Variants in SYBU observed in about 807,000 individuals in gnomAD.
The protein encoded by SYBU is GOLSYN A protein.
Under a neutral mutation model 35.9 loss-of-function variants are expected in SYBU, and 21 were observed. The ratio of observed to expected loss-of-function variants is 0.58; its 90% CI spans 0.41 to 0.84. SYBU has a LOEUF of 0.84. Ranked by LOEUF, SYBU falls within the 40% of genes least tolerant of loss-of-function variation. SYBU has a pLI of 0.00. For missense variants in SYBU, 768 were observed against 848.2 expected, an observed-to-expected ratio of 0.91 and a Z score of 1.17; for synonymous variants, 319 against 324.3, an observed-to-expected ratio of 0.98 and a Z score of 0.18.
At chr8:109,659,115 T>G (rs1241112319) in intron 1 of SYBU, among the ~76,000 whole-genome samples, 1 of 152,210 alleles carries the variant, frequency 6.6e-6, no homozygotes, top group Non-Finnish European at 1.5e-5. Flanking sequence ...TTTTGGACCC[T>G]TGTGTTTTCC....
At chr8:109,684,242 T>C (rs745999915), upstream of SYBU, among the ~76,000 whole-genome samples, 24 of 152,230 alleles carry the variant, frequency 1.6e-4, no homozygotes, top group South Asian at 8.3e-4. Context: ...GATGTCCAGA[T>C]GCAAATTTAA....
intron 1 of SYBU, among the ~76,000 whole-genome samples, chr8:109,658,872 T>G (rs376421560): frequency 6.6e-6 from 1 of 151,982 alleles, no homozygotes; most frequent in Non-Finnish European, 1.5e-5. Flanking sequence ...GAGAATCGCT[T>G]GAACCGGAAA....
At chr8:109,679,968 T>A (rs938172676) in intron 1 of SYBU, among the ~76,000 whole-genome samples, 28 of 152,316 alleles carry the variant, frequency 1.8e-4, no homozygotes, top group African/African-American at 5.8e-4. Context: ...TGAAAATGTA[T>A]ATACTTGATA....
At chr8:109,591,747 C>T (rs955484967) in intron 3 of SYBU, among the ~76,000 whole-genome samples, 2 of 151,524 alleles carry the variant, frequency 1.3e-5, no homozygotes, top group African/African-American at 4.9e-5. Context: ...CTCCTGACCT[C>T]GTGATCCGCC....
Position 109,575,766 on chromosome 8 carries a change from T to C in SYBU, c.1132A>G (p.Met378Val), listed in dbSNP as rs1563669580. 1.2e-6 allele frequency: 2 copies of C among 1,614,176 alleles called. No homozygotes were observed. Among genetic ancestry groups the C allele is most frequent in the Admixed American group, 1.7e-5 (1 of 60,016 alleles). Reference protein sequence around the residue: ...KLESLLQSMEMAHSGSLRDEL... With the variant: ...KLESLLQSMEVAHSGSLRDEL... ...TCCCTCAGAGAGCCACTGTGTGCCA[T>C]CTCCATGCTCTGAAGGAGAGACTCC... The change falls in exon 7 of 7, where the codon ATG becomes GTG. Residue 378 changes from methionine (M) to valine (V), a missense_variant. By Grantham distance (21) the Met-to-Val change is conservative. Transcript: ENST00000276646.
chr8:109,603,652 G>C (rs963348002), intron 3 of SYBU, among the ~76,000 whole-genome samples: 1 of 152,070 alleles, frequency 6.6e-6, no homozygotes, highest in East Asian at 1.9e-4. Flanking sequence ...ATAAATCAAG[G>C]CCACTCTTTT....
intron 3 of SYBU, among the ~76,000 whole-genome samples, chr8:109,611,031 T>C (rs1811110789): frequency 6.6e-6 from 1 of 152,230 alleles, no homozygotes; most frequent in South Asian, 2.1e-4. Context: ...AAAGCATATA[T>C]CTGCATGATC....
intron 1 of SYBU, among the ~76,000 whole-genome samples, chr8:109,679,711 T>G (rs1364027242): frequency 6.6e-6 from 1 of 152,200 alleles, no homozygotes; most frequent in Non-Finnish European, 1.5e-5. Flanking sequence ...TAACAATAAT[T>G]ACCTCTATTT....
intron 1 of SYBU, among the ~76,000 whole-genome samples, chr8:109,689,275 G>A (rs1817590535): frequency 6.6e-6 from 1 of 152,038 alleles, no homozygotes; most frequent in Non-Finnish European, 1.5e-5. Flanking sequence ...CCAGAAAACT[G>A]ACATTGGTGC....
chr8:109,590,767 G>GAAA (rs10691264), intron 3 of SYBU, among the ~76,000 whole-genome samples: 3,229 of 121,964 alleles, frequency 0.026, 106 homozygotes, highest in African/African-American at 0.077. Context: ...CATAAAATTA[G>GAAA]AAAAAAAAAA....
At chr8:109,589,480 C>A (rs1046555883) in intron 3 of SYBU, among the ~76,000 whole-genome samples, 1 of 152,180 alleles carries the variant, frequency 6.6e-6, no homozygotes, top group African/African-American at 2.4e-5. Flanking sequence ...ATTTGATGAC[C>A]TTTAAGATAA....
At chr8:109,576,297 A>G (rs1486240401) in intron 6 of SYBU, among the ~76,000 whole-genome samples, 1 of 152,220 alleles carries the variant, frequency 6.6e-6, no homozygotes, top group African/African-American at 2.4e-5. Context: ...GGCTAAAGTA[A>G]TAATAGTAAT....
intron 3 of SYBU, among the ~76,000 whole-genome samples, chr8:109,614,303 G>A (rs1351549715): frequency 1.3e-5 from 2 of 152,204 alleles, no homozygotes; most frequent in African/African-American, 2.4e-5. Flanking sequence ...GCCCAGCACT[G>A]TCATTTAATG....
intron 2 of SYBU, among the ~76,000 whole-genome samples, chr8:109,629,099 A>T (rs1813302463): frequency 6.6e-6 from 1 of 152,176 alleles, no homozygotes; most frequent in African/African-American, 2.4e-5. Flanking sequence ...AGGAAGGGTG[A>T]TGGGGAGAGA....
Position 109,644,733 on chromosome 8 carries a change from A to G in SYBU, c.-74T>C. 1 of 1,391,960 alleles carries G rather than the reference A, an allele frequency of 7.2e-7. No individual in the cohort carries two copies. Among genetic ancestry groups the G allele is most frequent in the Non-Finnish European group, 9.3e-7 (1 of 1,072,816 alleles). The allele number at this position is 1,391,960 out of a possible 1,614,324, so 86.2% of individuals were successfully genotyped here. ...AGGAGGCACCTGCGAGCACGGAGCG[A>G]GGAGACTGCGCTGAGCCGGCGCGGG... On this transcript the variant is annotated 5_prime_UTR_variant, in exon 1 of 7. Transcript: ENST00000276646.
At chr8:109,656,988 T>C (rs930601842) in intron 1 of SYBU, among the ~76,000 whole-genome samples, 2 of 152,108 alleles carry the variant, frequency 1.3e-5, no homozygotes, top group Non-Finnish European at 2.9e-5. Context: ...AAACCAAGAA[T>C]AAAAACACAT....
At chr8:109,690,194 G>C (rs1817614881) in intron 1 of SYBU, among the ~76,000 whole-genome samples, 1 of 151,894 alleles carries the variant, frequency 6.6e-6, no homozygotes. Context: ...ATAATGTATT[G>C]CTGCTTTAAA....
chr8:109,665,852 G>A (rs778797570), intron 1 of SYBU, among the ~76,000 whole-genome samples: 2 of 152,138 alleles, frequency 1.3e-5, no homozygotes, highest in African/African-American at 4.8e-5. Context: ...ATGTCCTGAA[G>A]GCATTATACC....
chr8:109,612,670 T>C (rs548948217), intron 3 of SYBU, among the ~76,000 whole-genome samples: 1 of 152,332 alleles, frequency 6.6e-6, no homozygotes, highest in East Asian at 1.9e-4. Flanking sequence ...AAGCTGTCAA[T>C]GGCCTAAAAC....
Sources: allele counts gnomAD v4.1 joint callset (sites outside exome capture counted in the v4.1 genomes callset), GRCh38; gene constraint gnomAD v4.1.1; transcripts MANE v1.5; gene names NCBI Gene and HGNC (gene_info 2026-07-23, HGNC 2026-07-21).